Variants in SLC35F5 observed in about 807,000 individuals in gnomAD.
SLC35F5 encodes solute carrier family 35 member F5.
In SLC35F5, 54 loss-of-function variants were observed where a neutral mutation model predicts 68.6. That is an observed-to-expected ratio of 0.79 (90% CI 0.63 to 0.99). The LOEUF is 0.99. SLC35F5 is among the 50% of genes least tolerant of loss of function. The probability of loss-of-function intolerance (pLI) is 0.00; values close to 1 mark genes in which losing one functional copy is unlikely to be tolerated. For synonymous variants in SLC35F5, 211 were observed against 205.2 expected (o/e 1.03, Z -0.24); for missense variants, 567 against 626.9 (o/e 0.90, Z 1.02).
At chr2:113,756,213 C>T (rs1221585337) in intron 1 of SLC35F5, 157 bp downstream of exon 1, 2 of 1,504,856 alleles carry the variant, frequency 1.3e-6, no homozygotes, top group African/African-American at 1.4e-5. Context: ...AGGGCTCCGG[C>T]GCCCCTGTCA....
chr2:113,715,536 C>T (rs970307004), intron 15 of SLC35F5, among the ~76,000 whole-genome samples: 1 of 152,156 alleles, frequency 6.6e-6, no homozygotes, highest in African/African-American at 2.4e-5. Flanking sequence ...CTCCTTTACA[C>T]AGCTCTCACT....
chr2:113,734,614 G>A lies in SLC35F5; in HGVS notation c.892C>T (p.Leu298Phe), dbSNP rs767630923. 2 of 1,602,636 alleles carry A rather than the reference G, an allele frequency of 1.2e-6. No individual in the cohort carries two copies. The highest frequency in any genetic ancestry group is 2.2e-5 in the East Asian group (1 of 44,744). ...FPSNSGDRFT[L>F]SKLLAVILSI... is the part of the protein sequence containing the mutation. ...AAAATTACAGCTAATAGTTTAGAAA[G>A]GGTAAATCTATCTCCACTGTTACTT... Residue 298 changes from leucine to phenylalanine, a missense_variant, in exon 9 of 16, where the codon CTT becomes TTT. Physicochemically the swap from Leu to Phe is conservative, Grantham distance 22. Coordinates refer to ENST00000245680, the MANE Select transcript of SLC35F5 (RefSeq NM_025181.5).
intron 9 of SLC35F5, chr2:113,733,273 A>C: frequency 4.2e-6 from 1 of 237,594 alleles, no homozygotes; most frequent in Non-Finnish European, 9.2e-6. Flanking sequence ...TCTTATTTAC[A>C]AAACCAGCAG....
At chr2:113,731,407 G>C (rs1002050886) in intron 10 of SLC35F5, among the ~76,000 whole-genome samples, 177 bp downstream of exon 10, 3 of 152,136 alleles carry the variant, frequency 2.0e-5, no homozygotes, top group African/African-American at 7.2e-5. Flanking sequence ...TCTGGGTGAA[G>C]GCTATGAGAA....
chr2:113,751,144 C>G (rs1559364851), intron 3 of SLC35F5, among the ~76,000 whole-genome samples: 1 of 152,034 alleles, frequency 6.6e-6, no homozygotes, highest in African/African-American at 2.4e-5. Flanking sequence ...AAGACCCTAT[C>G]TCATAAAGAA....
At position 113,756,632 on chromosome 2, in the gene SLC35F5, C is replaced by G; in HGVS notation, c.-223G>C. The G allele has an allele frequency of 1.6e-6, 2 of 1,252,014 alleles. No homozygotes were observed. The highest frequency in any genetic ancestry group is 2.1e-6 in the Non-Finnish European group (2 of 949,118). 77.6% of individuals were successfully genotyped at this position (1,252,014 alleles called of 1,614,324 possible). On this transcript the variant is annotated 5_prime_UTR_variant, in exon 1 of 16. Coordinates refer to ENST00000245680, the MANE Select transcript of SLC35F5 (RefSeq NM_025181.5). ...GCACAGTCAGCTATGGCCGCGGAGG[C>G]CCGGAGATCTGCTCTGGCCCCGGCC...
chr2:113,745,966 TC>T (rs1676467862), intron 5 of SLC35F5, among the ~76,000 whole-genome samples: 1 of 152,200 alleles, frequency 6.6e-6, no homozygotes. Flanking sequence ...AATATTTGTT[TC>T]TAAATGATAA....
chr2:113,719,239 G>A lies in SLC35F5; in HGVS notation c.1411C>T (p.Leu471=), dbSNP rs150020214. ...GGATCCCAATTATTATAATGGCATAGGAGAGTTACAATAAAAAATGAAAAA... is the reference window on the plus strand; with the variant it reads ...GGATCCCAATTATTATAATGGCATAAGAGAGTTACAATAAAAAATGAAAAA... ...VFFSFFIVTL[L]CHYNNWDPVM... The change falls in exon 14 of 16, where the codon CTA becomes TTA. Residue 471 remains leucine, a synonymous_variant. Coordinates refer to ENST00000245680, the MANE Select transcript of SLC35F5 (RefSeq NM_025181.5). 6.7e-5 allele frequency: 107 copies of A among 1,603,298 alleles called. No individual in the cohort carries two copies. The African/African-American group carries it at 1.1e-3, about 16-fold the overall frequency.
At chr2:113,735,692 TA>T in intron 8 of SLC35F5, 84 bp downstream of exon 8, 3 of 843,662 alleles carry the variant, frequency 3.6e-6, no homozygotes, top group Non-Finnish European at 5.6e-6. Context: ...TATAACAAGA[TA>T]AAAATGTTGT....
At chr2:113,735,384 A>C (rs1688048593) in intron 8 of SLC35F5, among the ~76,000 whole-genome samples, 1 of 152,226 alleles carries the variant, frequency 6.6e-6, no homozygotes, top group South Asian at 2.1e-4. Flanking sequence ...TAAATGGTAT[A>C]GCCTACTACA....
Position 113,750,422 on chromosome 2 carries a change from T to G in SLC35F5, c.417+3A>C. 2 of 1,592,180 alleles carry G rather than the reference T, an allele frequency of 1.3e-6. No individual in the cohort carries two copies. Among genetic ancestry groups the G allele is most frequent in the Non-Finnish European group, 1.7e-6 (2 of 1,170,702 alleles). On this transcript the variant is annotated splice_donor_region_variant and intron_variant, in intron 4 of 15. Coordinates refer to ENST00000245680, the MANE Select transcript of SLC35F5 (RefSeq NM_025181.5). ...TAACAGACAGTTAAAATTAAAAACT[T>G]ACAAAAGCAGCATGCTTTCCGCGAA...
intron 13 of SLC35F5, chr2:113,721,365 C>G (rs753425593): frequency 6.5e-6 from 1 of 153,394 alleles, no homozygotes; most frequent in Non-Finnish European, 1.5e-5. Context: ...CAGAACTGGG[C>G]AATCAGTTAA....
downstream of SLC35F5, among the ~76,000 whole-genome samples, chr2:113,704,820 C>A (rs1171459997): frequency 6.6e-6 from 1 of 152,154 alleles, no homozygotes; most frequent in African/African-American, 2.4e-5. Context: ...GGGGAGCCGC[C>A]TCCGGCCTCG....
chr2:113,755,631 A>T (rs1326125583), intron 1 of SLC35F5, 87 bp from the exon 2 acceptor site: 17 of 1,301,404 alleles, frequency 1.3e-5, no homozygotes, highest in Middle Eastern at 1.8e-4. Flanking sequence ...TCATCTTCAA[A>T]CTCAAAGCAA....
At chr2:113,743,935 C>G (rs1676384265) in intron 5 of SLC35F5, 141 bp from the exon 6 acceptor site, 1 of 541,112 alleles carries the variant, frequency 1.8e-6, no homozygotes, top group South Asian at 3.6e-5. Context: ...ATTTTCAAGA[C>G]TTAAAAAAGG....
intron 4 of SLC35F5, among the ~76,000 whole-genome samples, chr2:113,749,361 G>A (rs549636209): frequency 6.6e-6 from 1 of 152,312 alleles, no homozygotes; most frequent in South Asian, 2.1e-4. Context: ...TCAGTGGGGT[G>A]TGGTGTTGCA....
downstream of SLC35F5, among the ~76,000 whole-genome samples, chr2:113,706,368 TC>T (rs202060225): frequency 6.0e-3 from 921 of 152,278 alleles, 15 homozygotes; most frequent in African/African-American, 0.021. Flanking sequence ...GGGTTGTGCT[TC>T]CTCTGGGTGA....
chr2:113,742,514 A>G (rs914438521), intron 7 of SLC35F5, 178 bp downstream of exon 7: 5 of 615,344 alleles, frequency 8.1e-6, no homozygotes, highest in Non-Finnish European at 1.4e-5. Flanking sequence ...TCTTTGAGGT[A>G]TATCAAGCAT....
At chr2:113,733,727 A>T (rs1344029676) in intron 9 of SLC35F5, among the ~76,000 whole-genome samples, 1 of 152,250 alleles carries the variant, frequency 6.6e-6, no homozygotes, top group African/African-American at 2.4e-5. Flanking sequence ...TATTACCACT[A>T]AACTTTAAAA....
Sources: gnomAD v4.1 joint callset for allele counts (sites outside exome capture counted in the v4.1 genomes callset) on GRCh38, gnomAD v4.1.1 for gene constraint, MANE v1.5 for transcripts, NCBI Gene and HGNC (gene_info 2026-07-23, HGNC 2026-07-21) for gene names.